PDLIM7: variants seen among roughly 807,000 people sequenced by gnomAD.
PDLIM7 encodes the protein PDZ and LIM domain 7, also known as PDZ and LIM domain protein 7.
PDLIM7 carries 37 observed loss-of-function variants against 53.9 expected under a neutral mutation model. The ratio of observed to expected loss-of-function variants is 0.69; its 90% confidence interval spans 0.53 to 0.90. The LOEUF is 0.90. Ranked by LOEUF, PDLIM7 falls within the 40% of genes least tolerant of loss-of-function variation. The pLI is 0.00. For missense variants in PDLIM7, 617 were observed against 638.5 expected (o/e 0.97, Z 0.36); for synonymous variants, 300 against 261.3 (o/e 1.15, Z -1.43).
At chr5:177,491,515 C>A in intron 5 of PDLIM7, 1 of 990,742 alleles carries the variant, frequency 1.0e-6, no homozygotes, top group Non-Finnish European at 1.6e-6. Context: ...CAGCCGGGGA[C>A]AAGGCGGCAC....
rs1758732929 is a variant in PDLIM7, at chr5:177,490,861, TCCC to T, written c.572+6_572+8del. 1 of 1,613,718 alleles carries T rather than the reference TCCC, an allele frequency of 6.2e-7. No individual in the cohort carries two copies. The highest frequency in any genetic ancestry group is 2.2e-5 in the East Asian group (1 of 44,882). ...GAGGTGGGAGAGGGGCTGGTGCCCG[TCCC>T]TGTACCTTGATTTCTTCAGGTGCTC... On this transcript the variant is annotated splice_donor_region_variant and intron_variant, in intron 7 of 12. Transcript: ENST00000355841.
intron 5 of PDLIM7, 91 bp from the exon 6 acceptor site, chr5:177,491,237 C>T (rs1758764380): frequency 1.4e-6 from 2 of 1,479,764 alleles, no homozygotes; most frequent in Non-Finnish European, 9.2e-7. Context: ...GTTTGGGTTA[C>T]AGTGATGGGA....
chr5:177,485,713 A>G (rs940325326), intron 10 of PDLIM7, among the ~76,000 whole-genome samples: 10 of 152,226 alleles, frequency 6.6e-5, no homozygotes, highest in East Asian at 1.9e-4. Context: ...TGCTGGGCGC[A>G]GTGGCTCACG....
chr5:177,484,363 G>C, intron 10 of PDLIM7, 173 bp from the exon 11 acceptor site: 1 of 714,534 alleles, frequency 1.4e-6, no homozygotes, highest in South Asian at 1.8e-5. Flanking sequence ...CTGAGTGGAC[G>C]ACCACTGCGC....
intron 1 of PDLIM7, chr5:177,497,010 G>C (rs1467380189): frequency 1.4e-4 from 4 of 28,998 alleles, no homozygotes; most frequent in African/African-American, 2.7e-4. Context: ...GGACGCGAGG[G>C]GGGGGGGAGG....
At chr5:177,486,215 T>C (rs1267973059) in intron 10 of PDLIM7, among the ~76,000 whole-genome samples, 1 of 151,924 alleles carries the variant, frequency 6.6e-6, no homozygotes, top group Non-Finnish European at 1.5e-5. Context: ...CACTGCATCA[T>C]GCAGGCAAAT....
chr5:177,491,487 G>A, intron 5 of PDLIM7: 5 of 1,293,104 alleles, frequency 3.9e-6, no homozygotes, highest in South Asian at 1.3e-5. Context: ...GAGGAAGAAA[G>A]ACGGGGAGGG....
chr5:177,495,881 C>T (rs907796630), intron 2 of PDLIM7, among the ~76,000 whole-genome samples: 3 of 151,902 alleles, frequency 2.0e-5, no homozygotes, highest in East Asian at 3.9e-4. Context: ...TGGGGAGAGA[C>T]CCCTTCTACC....
In PDLIM7 at chr5:177,488,180, T is replaced by C. The variant is rs1758559022; in HGVS notation, c.938A>G (p.Lys313Arg). The C allele has an allele frequency of 8.1e-6, 13 of 1,613,334 alleles. No individual in the cohort carries two copies. Among genetic ancestry groups the C allele is most frequent in the Non-Finnish European group, 1.1e-5 (13 of 1,179,936 alleles). The change falls in exon 10 of 13, where the codon AAG becomes AGG. Residue 313 changes from lysine to arginine, a missense_variant. By Grantham distance (26) the Lys-to-Arg change is conservative. Coordinates refer to ENST00000355841, the MANE Select transcript of PDLIM7 (RefSeq NM_005451.5). ...AAAGAAGCCACCCTCTTCCAGGACC[T>C]TCCCACACTGGCTACACACAAACTC... ...PEEFVCSQCG[K>R]VLEEGGFFEE...
At position 177,496,310 on chromosome 5, in the gene PDLIM7, G is replaced by GC. The variant is rs1759067133; in HGVS notation, c.96+106dup. On this transcript the variant is annotated intron_variant, in intron 2 of 12. Coordinates refer to ENST00000355841, the MANE Select transcript of PDLIM7 (RefSeq NM_005451.5). ...CATCTCCGGACCTAGACATCTCCTG[G>GC]CCTGCTGGCCCCTGACCAGCTCCTG... 2.4e-5 allele frequency: 18 copies of GC among 759,344 alleles called. No individual in the cohort carries two copies. In the East Asian group the frequency reaches 5.7e-4, roughly 24 times the overall value. 47.0% of individuals were successfully genotyped at this position (759,344 alleles called of 1,614,324 possible).
chr5:177,491,825 C>A lies in PDLIM7; in HGVS notation c.380G>T (p.Ser127Ile), dbSNP rs1181638086. The change falls in exon 5 of 13, where the codon AGC becomes ATC. Residue 127 changes from serine (S) to isoleucine (I), a missense_variant. Coordinates refer to ENST00000355841, the MANE Select transcript of PDLIM7 (RefSeq NM_005451.5). ...RPFGAPPPADSAPQQNGQPLR... is the reference protein window; with the variant it reads ...RPFGAPPPADIAPQQNGQPLR... Reference sequence around the variant, plus strand: ...GACGTACCCATTCTGCTGCGGGGCGCTGTCAGCGGGCGGGGGCGCCCCAAA... The same window carrying A: ...GACGTACCCATTCTGCTGCGGGGCGATGTCAGCGGGCGGGGGCGCCCCAAA... The A allele has an allele frequency of 7.8e-7, 1 of 1,287,074 alleles. No individual in the cohort carries two copies. The highest frequency in any genetic ancestry group is 3.0e-5 in the South Asian group (1 of 32,922). The allele number at this position is 1,287,074 out of a possible 1,614,324, so 79.7% of individuals were successfully genotyped here.
chr5:177,491,345 C>T, intron 5 of PDLIM7, 199 bp from the exon 6 acceptor site: 4 of 1,543,438 alleles, frequency 2.6e-6, no homozygotes, highest in African/African-American at 1.4e-5. Context: ...TGGGGAGGGG[C>T]CGCCACCCAG....
Position 177,489,579 on chromosome 5 carries a change from G to A in PDLIM7, c.683C>T (p.Pro228Leu). The change falls in exon 9 of 13, where the codon CCT (proline) becomes CTT (leucine). Residue 228 changes from proline to leucine, a missense_variant. Coordinates refer to ENST00000355841, the MANE Select transcript of PDLIM7 (RefSeq NM_005451.5). Reference sequence around the variant, plus strand: ...CGGGGCATAGCGCTCGGCAAACGCAGGGTCCACAGCCCAGGGCGGGCGGCT... The same window carrying A: ...CGGGGCATAGCGCTCGGCAAACGCAAGGTCCACAGCCCAGGGCGGGCGGCT... Reference protein sequence around the residue: ...PTSRPPWAVDPAFAERYAPDK... With the variant: ...PTSRPPWAVDLAFAERYAPDK... 6.2e-7 allele frequency: 1 copy of A among 1,610,142 alleles called. No individual in the cohort carries two copies. Among genetic ancestry groups the A allele is most frequent in the Non-Finnish European group, 8.5e-7 (1 of 1,179,050 alleles).
intron 2 of PDLIM7, among the ~76,000 whole-genome samples, chr5:177,493,359 C>T (rs1758902419): frequency 6.6e-6 from 1 of 152,232 alleles, no homozygotes; most frequent in African/African-American, 2.4e-5. Context: ...GCCAATTTCC[C>T]CTGACCCCAA....
intron 8 of PDLIM7, 55 bp downstream of exon 8, chr5:177,489,716 C>A: frequency 6.7e-7 from 1 of 1,485,782 alleles, no homozygotes; most frequent in East Asian, 2.4e-5. Flanking sequence ...CCCACCACCC[C>A]CATGCCCCTG....
At chr5:177,492,031 CCCCCA>C (rs1188497438) in intron 4 of PDLIM7, 106 bp from the exon 5 acceptor site, 6 of 455,108 alleles carry the variant, frequency 1.3e-5, no homozygotes, top group African/African-American at 1.0e-4. Context: ...CAGCCCCCCA[CCCCCA>C]CCCCACCCCC....
At position 177,489,582 on chromosome 5, in the gene PDLIM7, T is replaced by G; in HGVS notation, c.680A>C (p.Asp227Ala). The change falls in exon 9 of 13, where the codon GAC (aspartate) becomes GCC (alanine). Residue 227 changes from aspartate to alanine, a missense_variant. Asp to Ala is a moderately radical substitution (Grantham distance 126). Coordinates refer to ENST00000355841, the MANE Select transcript of PDLIM7 (RefSeq NM_005451.5). ...GGCATAGCGCTCGGCAAACGCAGGG[T>G]CCACAGCCCAGGGCGGGCGGCTGGT... Reference protein sequence around the residue: ...SPTSRPPWAVDPAFAERYAPD... With the variant: ...SPTSRPPWAVAPAFAERYAPD... 6.2e-7 allele frequency: 1 copy of G among 1,609,678 alleles called. No individual in the cohort carries two copies. The highest frequency in any genetic ancestry group is 8.5e-7 in the Non-Finnish European group (1 of 1,178,778).
intron 10 of PDLIM7, among the ~76,000 whole-genome samples, chr5:177,486,879 T>TGC (rs1561699751): frequency 5.6e-5 from 8 of 143,998 alleles, no homozygotes; most frequent in Admixed American, 2.8e-4. Flanking sequence ...GATCCGCCCA[T>TGC]CTCGGCCTCC....
At chr5:177,490,269 T>C in intron 7 of PDLIM7, 7 of 1,444,304 alleles carry the variant, frequency 4.8e-6, no homozygotes, top group Non-Finnish European at 6.3e-6. Context: ...GTTTATTCCA[T>C]GCCCAAGGCA....
Sources: allele counts gnomAD v4.1 joint callset (sites outside exome capture counted in the v4.1 genomes callset), GRCh38; gene constraint gnomAD v4.1.1; transcripts MANE v1.5; gene names NCBI Gene and HGNC (gene_info 2026-07-23, HGNC 2026-07-21).